Variants in RASAL3 observed in about 807,000 individuals in gnomAD.
RASAL3 encodes the protein RAS protein activator like-3.
In RASAL3, 74 loss-of-function variants were observed where a neutral mutation model predicts 105.5. That is an observed-to-expected ratio of 0.70 (90% confidence interval 0.58 to 0.85). The LOEUF (loss-of-function observed/expected upper bound fraction) is 0.85. RASAL3 is among the 40% of genes least tolerant of loss of function. The pLI, the probability that RASAL3 is intolerant of heterozygous loss-of-function variation, is 0.00. For synonymous variants in RASAL3, 579 were observed against 591.6 expected, an observed-to-expected ratio of 0.98 and a Z score of 0.31; for missense variants, 1,352 against 1,392.0, an observed-to-expected ratio of 0.97 and a Z score of 0.46.
chr19:15,459,300 C>A (rs901123813), intron 6 of RASAL3, among the ~76,000 whole-genome samples: 1 of 149,468 alleles, frequency 6.7e-6, no homozygotes, highest in African/African-American at 2.5e-5. Context: ...GGCAGGAGTG[C>A]AGTGGCACAA....
At chr19:15,461,974 T>A (rs1425341349) in intron 2 of RASAL3, among the ~76,000 whole-genome samples, 1 of 152,198 alleles carries the variant, frequency 6.6e-6, no homozygotes, top group Non-Finnish European at 1.5e-5. Context: ...TCACAAGCAT[T>A]CTTCTCTCTC....
chr19:15,452,562 G>T, intron 16 of RASAL3, 96 bp downstream of exon 16: 2 of 1,113,022 alleles, frequency 1.8e-6, no homozygotes, highest in Non-Finnish European at 2.4e-6. Flanking sequence ...GCTTGGCCGT[G>T]CTAGGCGTGG....
rs1031160950 is a variant in RASAL3, at chr19:15,464,348, G to A, written c.11C>T (p.Pro4Leu). The change falls in exon 2 of 18, where the codon CCG becomes CTG. Residue 4 changes from proline to leucine, a missense_variant. Transcript: ENST00000343625. MDP[P>L]SPSRTSQTQP... ...GGTTTGGGAGGTCCGGCTTGGCGACGGTGGGTCCATGGTTGGGGGGGGGGG... is the reference window on the plus strand; with the variant it reads ...GGTTTGGGAGGTCCGGCTTGGCGACAGTGGGTCCATGGTTGGGGGGGGGGG... The A allele has an allele frequency of 1.3e-6, 2 of 1,598,802 alleles. No individual in the cohort carries two copies. Among genetic ancestry groups the A allele is most frequent in the Non-Finnish European group, 8.5e-7 (1 of 1,175,414 alleles).
At chr19:15,458,791 C>CA in intron 6 of RASAL3, 136 bp from the exon 7 acceptor site, 1 of 1,177,716 alleles carries the variant, frequency 8.5e-7, no homozygotes, top group Non-Finnish European at 1.2e-6. Flanking sequence ...CCCCACCCCC[C>CA]GCCATGGCAC....
rs370102998 is a variant in RASAL3 at position 15,452,717 on chromosome 19, C to T, written c.2769G>A (p.Thr923=). The change falls in exon 16 of 18, where the codon ACG becomes ACA. Residue 923 remains threonine, a synonymous_variant. Transcript: ENST00000343625. ...GGCCCCGCAGCTGCTCCTGCTGCTC[C>T]GTCAAGGCCCGGATTTGGGTGCTCA... is the stretch of plus-strand genomic sequence containing the variant. ...ESLSTQIRAL[T]EQQEQLRGQL... is the part of the protein sequence containing the mutation. 12 of 1,554,706 alleles carry T rather than the reference C, an allele frequency of 7.7e-6. No homozygotes were observed. The highest frequency in any genetic ancestry group is 4.8e-5 in the East Asian group (2 of 41,260).
In RASAL3 at chr19:15,454,740, C is replaced by T. The variant is rs1970265967; in HGVS notation, c.1875G>A (p.Leu625=). The part of the protein sequence containing the change: ...PAILAPSLFG[L]APDHPAPGPA... The stretch of plus-strand genomic sequence containing the variant: ...GGCCGGGTGCTGGATGGTCTGGTGC[C>T]AAACCAAAGAGGCTGGGTGCCAGGA... The change falls in exon 12 of 18, where the codon TTG becomes TTA. Residue 625 remains leucine (L), a synonymous_variant. Transcript: ENST00000343625. 2 of 1,609,252 alleles carry T rather than the reference C, an allele frequency of 1.2e-6. No individual in the cohort carries two copies. The highest frequency in any genetic ancestry group is 8.5e-7 in the Non-Finnish European group (1 of 1,177,910).
rs1970151436 is a variant in RASAL3 at position 15,451,721 on chromosome 19, C to T, written c.*74G>A. 5.3e-6 allele frequency: 8 copies of T among 1,516,814 alleles called. No homozygotes were observed. Among genetic ancestry groups the T allele is most frequent in the Non-Finnish European group, 6.2e-6 (7 of 1,121,624 alleles). The allele number at this position is 1,516,814 out of a possible 1,614,324, so 94.0% of individuals were successfully genotyped here. A position where few individuals can be genotyped will look rare whatever the true frequency, so the allele number is the denominator to read the frequency against. ...CACTGTAGGCCAAGTAGGGCTAAGG[C>T]AAAGTCAGACACCCCCCCTAAGATG... On this transcript the variant is annotated 3_prime_UTR_variant, in exon 18 of 18. Coordinates refer to ENST00000343625, the MANE Select transcript of RASAL3 (RefSeq NM_022904.3).
chr19:15,457,935 T>C lies in RASAL3; in HGVS notation c.889-101A>G, dbSNP rs1599742901. On this transcript the variant is annotated intron_variant, in intron 8 of 17. Transcript: ENST00000343625. This position sits in a 1 kb window ranked among gnomAD's most constrained non-coding sequence, Gnocchi z 8.6. The stretch of plus-strand genomic sequence containing the variant: ...GGAGCCTCAAACCTGTTGCGTCGGG[T>C]CCCTAGGGAGATTGCTGGGCCTTTG... The C allele has an allele frequency of 7.4e-7, 1 of 1,353,630 alleles. No homozygotes were observed. The highest frequency in any genetic ancestry group is 1.5e-5 in the African/African-American group (1 of 67,974). 83.9% of individuals were successfully genotyped at this position (1,353,630 alleles called of 1,614,324 possible). A position where few individuals can be genotyped will look rare whatever the true frequency, so the allele number is the denominator to read the frequency against.
chr19:15,451,974 G>T, intron 17 of RASAL3, 36 bp from the exon 18 acceptor site: 6 of 1,613,228 alleles, frequency 3.7e-6, no homozygotes, highest in Non-Finnish European at 5.1e-6. Flanking sequence ...CAGAAACCAG[G>T]AGAGGGCTGC....
intron 5 of RASAL3, among the ~76,000 whole-genome samples, chr19:15,460,491 C>T (rs897315147): frequency 6.6e-6 from 1 of 152,120 alleles, no homozygotes; most frequent in Non-Finnish European, 1.5e-5. Context: ...GATCATGGCT[C>T]ACTGCAGCCT....
rs1970191990 is a variant in RASAL3, at chr19:15,452,646, G to A, written c.2828+12C>T. ...ACCTGGGGGCGGAGCTAATGGAGAG[G>A]GCTGGGCTCACCCAGCACGGAGCCT... On this transcript the variant is annotated intron_variant, in intron 16 of 17. Transcript: ENST00000343625. 3 of 1,535,638 alleles carry A rather than the reference G, an allele frequency of 2.0e-6. No individual in the cohort carries two copies. Among genetic ancestry groups the A allele is most frequent in the African/African-American group, 1.4e-5 (1 of 72,626 alleles).
intron 2 of RASAL3, among the ~76,000 whole-genome samples, chr19:15,462,411 G>A (rs1970538173): frequency 6.6e-6 from 1 of 151,990 alleles, no homozygotes; most frequent in Non-Finnish European, 1.5e-5. Context: ...TCTTGAACTT[G>A]GGAGGCAGAG....
In RASAL3 at chr19:15,454,247, T is replaced by C; in HGVS notation, c.2181A>G (p.Glu727=). 1 of 1,565,266 alleles carries C rather than the reference T, an allele frequency of 6.4e-7. No individual in the cohort carries two copies. Among genetic ancestry groups the C allele is most frequent in the Non-Finnish European group, 8.7e-7 (1 of 1,154,950 alleles). ...ELDQTTRDTL[E]PLPTILRAIE... is the part of the protein sequence containing the mutation. Reference sequence around the variant, plus strand: ...TGGCTCGCAGGATGGTGGGCAGTGGTTCCAGGGTGTCTCGGGTTGTCTGGT... The same window carrying C: ...TGGCTCGCAGGATGGTGGGCAGTGGCTCCAGGGTGTCTCGGGTTGTCTGGT... The change falls in exon 14 of 18, where the codon GAA becomes GAG. Residue 727 remains glutamate, a synonymous_variant. Transcript: ENST00000343625.
Position 15,456,540 on chromosome 19 carries a change from A to T in RASAL3, c.1538T>A (p.Met513Lys). 6.2e-7 allele frequency: 1 copy of T among 1,613,834 alleles called. No individual in the cohort carries two copies. Among genetic ancestry groups the T allele is most frequent in the Non-Finnish European group, 8.5e-7 (1 of 1,179,822 alleles). Residue 513 changes from methionine to lysine, a missense_variant, in exon 10 of 18, where the codon ATG becomes AAG. This residue lies in a region of RASAL3 where 920 missense variants were observed against 919.6 expected (regional missense o/e 1.00). Coordinates refer to ENST00000343625, the MANE Select transcript of RASAL3 (RefSeq NM_022904.3). This position sits in a 1 kb window ranked among gnomAD's most constrained non-coding sequence, Gnocchi z 4.4. ...TLATKAIDEY[M>K]KLVAQDYLQE... ...GAGGTAATCCTGTGCCACGAGCTTC[A>T]TGTACTCATCGATAGCCTTGGTGGC...
chr19:15,456,398 C>T lies in RASAL3; in HGVS notation c.1576+104G>A. ...CCCCAGGATCCTAGCACCCCCAAAA[C>T]ACCACTCACTACCAGAATCCAGGTT... On this transcript the variant is annotated intron_variant, in intron 10 of 17. Coordinates refer to ENST00000343625, the MANE Select transcript of RASAL3 (RefSeq NM_022904.3). The surrounding 1 kb of genome is among the most constrained non-coding windows in gnomAD (Gnocchi z 4.4). The T allele has an allele frequency of 6.5e-7, 1 of 1,535,446 alleles. No homozygotes were observed. Among genetic ancestry groups the T allele is most frequent in the Non-Finnish European group, 8.8e-7 (1 of 1,132,964 alleles).
Position 15,456,185 on chromosome 19 carries a change from G to A in RASAL3, c.1640C>T (p.Pro547Leu). 1 of 1,613,834 alleles carries A rather than the reference G, an allele frequency of 6.2e-7. No individual in the cohort carries two copies. The highest frequency in any genetic ancestry group is 8.5e-7 in the Non-Finnish European group (1 of 1,179,818). Residue 547 changes from proline (P) to leucine (L), a missense_variant, in exon 11 of 18, where the codon CCA (proline) becomes CTA (leucine). Pro to Leu is a moderately conservative substitution (Grantham distance 98). Transcript: ENST00000343625. This position sits in a 1 kb window ranked among gnomAD's most constrained non-coding sequence, Gnocchi z 4.4. ...CTGGTGCTCTGGCAGCTCCGAGGCT[G>A]GACATTTGCTGGGGTCCACTTCACA... The part of the protein sequence containing the change: ...EDCEVDPSKC[P>L]ASELPEHQAR...
chr19:15,458,791 C>G (rs1348726312), intron 6 of RASAL3, 136 bp from the exon 7 acceptor site: 2 of 1,177,650 alleles, frequency 1.7e-6, no homozygotes, highest in East Asian at 2.6e-5. Context: ...CCCCACCCCC[C>G]GCCATGGCAC....
intron 2 of RASAL3, among the ~76,000 whole-genome samples, chr19:15,463,565 TGA>T (rs1231594438): frequency 1.3e-5 from 2 of 152,122 alleles, no homozygotes; most frequent in Non-Finnish European, 2.9e-5. Flanking sequence ...TGAATGAATA[TGA>T]GCAAATAAAA....
chr19:15,452,220 T>C (rs1262303868), intron 16 of RASAL3, 112 bp from the exon 17 acceptor site: 1 of 1,032,260 alleles, frequency 9.7e-7, no homozygotes, highest in Non-Finnish European at 1.5e-6. Context: ...AGGCGGAGCT[T>C]GTCCAGACTG....
Sources: gnomAD v4.1 joint callset for allele counts (sites outside exome capture counted in the v4.1 genomes callset) on GRCh38, gnomAD v4.1.1 for gene constraint, gnomAD v4.1.1 regional missense constraint, Gnocchi (gnomAD v3.1) non-coding constraint, MANE v1.5 for transcripts, NCBI Gene and HGNC (gene_info 2026-07-23, HGNC 2026-07-21) for gene names.